Variants in FRK observed in about 807,000 individuals in gnomAD.
FRK encodes tyrosine-protein kinase FRK.
Under a neutral mutation model 56.4 loss-of-function variants are expected in FRK, and 51 were observed. That is an observed-to-expected ratio of 0.90 (90% confidence interval 0.72 to 1.14). The LOEUF (loss-of-function observed/expected upper bound fraction) is 1.14. FRK is among the 50% of genes most tolerant of loss of function. FRK has a pLI of 0.00. For synonymous variants in FRK, 245 were observed against 217.9 expected (o/e 1.12, Z -1.10); for missense variants, 570 against 601.4 (o/e 0.95, Z 0.55).
chr6:116,041,338 A>C lies in FRK; in HGVS notation c.344+18630T>G, dbSNP rs892046004. 3.7e-4 allele frequency among the ~76,000 whole-genome samples: 56 copies of C among 152,240 alleles called. 2 individuals are homozygous for C. Among genetic ancestry groups the C allele is most frequent in the Non-Finnish European group, 4.4e-5 (3 of 68,036 alleles). ...ATACTCTATAACCACTGTATACCAG[A>C]AAAGAAAACCAGGGCTTCTTAATTC... On this transcript the variant is annotated intron_variant, in intron 1 of 7. Transcript: ENST00000606080.
intron 2 of FRK, among the ~76,000 whole-genome samples, chr6:115,994,948 T>C (rs188666953): frequency 6.6e-6 from 1 of 152,250 alleles, no homozygotes; most frequent in East Asian, 1.9e-4. Context: ...TTCGTTCCAC[T>C]TAGGAGAGCA....
chr6:115,990,548 A>T (rs1181307146), intron 2 of FRK, among the ~76,000 whole-genome samples: 1 of 151,474 alleles, frequency 6.6e-6, no homozygotes, highest in African/African-American at 2.4e-5. Flanking sequence ...GTTATTGTTG[A>T]ATTTGTCAAC....
At chr6:115,975,110 AC>A (rs2114620750) in intron 2 of FRK, among the ~76,000 whole-genome samples, 2 of 152,306 alleles carry the variant, frequency 1.3e-5, no homozygotes, top group South Asian at 4.1e-4. Flanking sequence ...TTCGGGACTT[AC>A]AAGACTTCCC....
At chr6:116,099,651 T>C in the FRK span, among the ~76,000 whole-genome samples, 2 of 152,236 alleles carry the variant, frequency 1.3e-5, no homozygotes, top group Non-Finnish European at 2.9e-5. Context: ...ATCAATTTTA[T>C]TCAAATGGGT....
At chr6:116,094,504 A>G in the FRK span, among the ~76,000 whole-genome samples, 1 of 152,256 alleles carries the variant, frequency 6.6e-6, no homozygotes, top group African/African-American at 2.4e-5. Flanking sequence ...TGCTACAGAT[A>G]GTAAGTATGC....
chr6:116,061,936 GAAGA>G (rs370408178), upstream of FRK, among the ~76,000 whole-genome samples: 363 of 127,946 alleles, frequency 2.8e-3, 2 homozygotes, highest in African/African-American at 6.6e-3. Flanking sequence ...CAAGAAAAAG[GAAGA>G]AAGAAAGGAA....
At chr6:115,972,518 C>T (rs1773846221) in intron 2 of FRK, among the ~76,000 whole-genome samples, 1 of 152,184 alleles carries the variant, frequency 6.6e-6, no homozygotes, top group Non-Finnish European at 1.5e-5. Context: ...AGTGTGCCAA[C>T]AGCTTTCTTC....
the FRK span, among the ~76,000 whole-genome samples, chr6:116,082,856 G>A: frequency 6.6e-6 from 1 of 152,058 alleles, no homozygotes; most frequent in Non-Finnish European, 1.5e-5. Flanking sequence ...TCAAAGTATA[G>A]ATATATCTTT....
chr6:116,023,819 T>C (rs999125120), intron 1 of FRK, among the ~76,000 whole-genome samples: 1 of 152,174 alleles, frequency 6.6e-6, no homozygotes, highest in Non-Finnish European at 1.5e-5. Flanking sequence ...TTATTTGATA[T>C]ACATTTATCA....
chr6:116,001,844 G>C (rs1439873916), intron 2 of FRK, among the ~76,000 whole-genome samples: 1 of 136,438 alleles, frequency 7.3e-6, no homozygotes, highest in African/African-American at 2.7e-5. Context: ...GGAGAATTTT[G>C]TTTACAAAAC....
the FRK span, among the ~76,000 whole-genome samples, chr6:116,096,528 C>G: frequency 1.3e-5 from 2 of 152,082 alleles, no homozygotes; most frequent in Non-Finnish European, 2.9e-5. Flanking sequence ...CACCAATCAG[C>G]ACTCTGTGTC....
chr6:115,942,322 CTGAT>C lies in FRK; in HGVS notation c.*88_*91del, dbSNP rs1772216330. On this transcript the variant is annotated 3_prime_UTR_variant, in exon 8 of 8. Transcript: ENST00000606080. Reference sequence around the variant, plus strand: ...TATCACTTGAATATGTCAGGATAAACTGATTGTGCAGTTGGTTGATAACATTGTA... The same window carrying C: ...TATCACTTGAATATGTCAGGATAAACTGTGCAGTTGGTTGATAACATTGTA... The C allele has an allele frequency of 6.7e-6, 7 of 1,037,238 alleles. No homozygotes were observed. Among genetic ancestry groups the C allele is most frequent in the East Asian group, 4.8e-5 (2 of 41,470 alleles). The allele number at this position is 1,037,238 out of a possible 1,614,324, so 64.3% of individuals were successfully genotyped here.
chr6:116,011,473 A>G (rs1020813986), intron 1 of FRK, among the ~76,000 whole-genome samples: 4 of 145,350 alleles, frequency 2.8e-5, no homozygotes, highest in African/African-American at 1.0e-4. Context: ...TAGTTCCAGG[A>G]AAAAAAAAAA....
At chr6:116,092,032 G>A in the FRK span, among the ~76,000 whole-genome samples, 7 of 152,204 alleles carry the variant, frequency 4.6e-5, no homozygotes, top group South Asian at 2.1e-4. Context: ...TCCATTCTCC[G>A]AGGCTAGTCC....
chr6:115,942,307 A>T lies in FRK; in HGVS notation c.*107T>A, dbSNP rs983417212. On this transcript the variant is annotated 3_prime_UTR_variant, in exon 8 of 8. Transcript: ENST00000606080. ...TGGCCAACTTTATCCTATCACTTGA[A>T]TATGTCAGGATAAACTGATTGTGCA... The T allele has an allele frequency of 3.7e-5, 34 of 906,892 alleles. No homozygotes were observed. Among genetic ancestry groups the T allele is most frequent in the Non-Finnish European group, 5.3e-5 (31 of 584,892 alleles). 56.2% of individuals were successfully genotyped at this position (906,892 alleles called of 1,614,324 possible).
intron 1 of FRK, among the ~76,000 whole-genome samples, chr6:116,024,057 TACACACACACACACACACACAC>T (rs55922355): frequency 5.9e-5 from 8 of 136,590 alleles, no homozygotes; most frequent in African/African-American, 2.2e-4. Flanking sequence ...CCTGAGAACT[TACACACACACACACACACACAC>T]ACACACACAC....
chr6:115,952,933 GA>G (rs1420808672), intron 5 of FRK, among the ~76,000 whole-genome samples: 1 of 96,858 alleles, frequency 1.0e-5, no homozygotes, highest in Non-Finnish European at 1.9e-5. Context: ...GGGGTGGGGG[GA>G]GGGGGGAGGG....
the FRK span, among the ~76,000 whole-genome samples, chr6:116,099,796 TTA>T: frequency 6.6e-6 from 1 of 152,244 alleles, no homozygotes; most frequent in African/African-American, 2.4e-5. Flanking sequence ...TATATTTTCA[TTA>T]TGTCACGACT....
intron 1 of FRK, among the ~76,000 whole-genome samples, chr6:116,027,980 A>C (rs969248901): frequency 2.0e-5 from 3 of 152,118 alleles, no homozygotes; most frequent in Non-Finnish European, 4.4e-5. Flanking sequence ...CTGAGTCATT[A>C]AAATGCTCAT....
Sources: allele counts gnomAD v4.1 joint callset (sites outside exome capture counted in the v4.1 genomes callset), GRCh38; gene constraint gnomAD v4.1.1; transcripts MANE v1.5; gene names NCBI Gene and HGNC (gene_info 2026-07-23, HGNC 2026-07-21).